KCNAB2: variants seen among roughly 807,000 people sequenced by gnomAD.
The protein encoded by KCNAB2 is voltage-gated potassium channel subunit beta-2.
KCNAB2 carries 29 observed loss-of-function variants against 63.6 expected under a neutral mutation model. The observed-to-expected ratio is 0.46, with a 90% confidence interval of 0.34 to 0.62. The LOEUF (loss-of-function observed/expected upper bound fraction) is 0.62, where lower values mean the gene tolerates loss of function less well. Ranked by LOEUF, KCNAB2 falls within the 20% of genes least tolerant of loss-of-function variation. The probability of loss-of-function intolerance (pLI) is 0.01; values close to 1 mark genes in which losing one functional copy is unlikely to be tolerated. For missense variants in KCNAB2, 359 were observed against 563.9 expected, an observed-to-expected ratio of 0.64 and a Z score of 3.68; for synonymous variants, 222 against 224.2, an observed-to-expected ratio of 0.99 and a Z score of 0.09.
chr1:6,095,677 G>T (rs986793884), intron 13 of KCNAB2, 53 bp downstream of exon 13: 1 of 1,549,924 alleles, frequency 6.5e-7, no homozygotes, highest in African/African-American at 1.4e-5. Context: ...CATTTTGGAC[G>T]GGTGGGACCT....
Position 6,024,576 on chromosome 1 carries a change from G to C in KCNAB2, c.-52-15941G>C, listed in dbSNP as rs946243795. On this transcript the variant is annotated intron_variant, in intron 1 of 16. Transcript: ENST00000341524. This position sits in a 1 kb window ranked among gnomAD's most constrained non-coding sequence, Gnocchi z 5.4. Reference sequence around the variant, plus strand: ...TGTGTCTGAAACTGCGAAGCAGCCAGTGAGGTTACTTTCGCATCCCCTAGC... The same window carrying C: ...TGTGTCTGAAACTGCGAAGCAGCCACTGAGGTTACTTTCGCATCCCCTAGC... Among the ~76,000 whole-genome samples, 3 of 152,250 alleles carry C rather than the reference G, an allele frequency of 2.0e-5. No homozygotes were observed. Among genetic ancestry groups the C allele is most frequent in the African/African-American group, 7.2e-5 (3 of 41,470 alleles).
chr1:6,000,208 T>C (rs778802202), intron 1 of KCNAB2, among the ~76,000 whole-genome samples: 27 of 152,096 alleles, frequency 1.8e-4, no homozygotes, highest in Non-Finnish European at 3.2e-4. Flanking sequence ...TGCCTTTCCA[T>C]GGAAATGAGT....
At chr1:6,012,095 AAGT>A (rs1319896241) in intron 1 of KCNAB2, among the ~76,000 whole-genome samples, 1 of 139,814 alleles carries the variant, frequency 7.2e-6, no homozygotes, top group East Asian at 2.2e-4. Flanking sequence ...GAGGTGATGA[AAGT>A]AGAGATGATG....
At chr1:6,041,900 C>T (rs201737897), upstream of KCNAB2, 5 of 1,611,050 alleles carry the variant, frequency 3.1e-6, no homozygotes, top group Admixed American at 1.7e-5. Context: ...TCCCTAAAAC[C>T]CAGCGAGCCG....
At chr1:6,098,426 C>G in intron 15 of KCNAB2, 59 bp from the exon 16 acceptor site, 1 of 1,603,592 alleles carries the variant, frequency 6.2e-7, no homozygotes, top group Admixed American at 1.7e-5. Context: ...CCCACCTCCT[C>G]CCCAGGCCAG....
chr1:6,006,672 TCCA>T (rs1657800976), intron 1 of KCNAB2, among the ~76,000 whole-genome samples: 2 of 5,566 alleles, frequency 3.6e-4, no homozygotes, highest in Non-Finnish European at 5.6e-4. Context: ...CACTTCACCC[TCCA>T]CCCCTCAGCT....
chr1:6,036,406 G>A (rs1355043500), intron 1 of KCNAB2, among the ~76,000 whole-genome samples: 1 of 152,118 alleles, frequency 6.6e-6, no homozygotes, highest in African/African-American at 2.4e-5. Context: ...GGGAGGCTGG[G>A]GCATGAGAAT....
intron 1 of KCNAB2, among the ~76,000 whole-genome samples, chr1:5,995,076 C>T (rs1285998468): frequency 6.6e-6 from 1 of 152,200 alleles, no homozygotes; most frequent in African/African-American, 2.4e-5. Context: ...GCTAAGTTCT[C>T]AGTGATATTC....
In KCNAB2 at chr1:6,073,719, G is replaced by C. The variant is rs771873554; in HGVS notation, c.263-14G>C. ...TGCCAGGTTCCTAACTTGAGCCCCT[G>C]TGTCTCCTTCCAGGAACATGGGTGA... On this transcript the variant is annotated splice_polypyrimidine_tract_variant and intron_variant, in intron 3 of 15. Coordinates refer to ENST00000378083, the MANE Select transcript of KCNAB2 (RefSeq NM_001199862.2). The surrounding 1 kb of genome is among the most constrained non-coding windows in gnomAD (Gnocchi z 5.7). The C allele has an allele frequency of 5.6e-6, 9 of 1,614,142 alleles. No homozygotes were observed. Among genetic ancestry groups the C allele is most frequent in the Non-Finnish European group, 6.8e-6 (8 of 1,179,980 alleles).
At chr1:6,001,219 C>T (rs941721369) in intron 1 of KCNAB2, among the ~76,000 whole-genome samples, 22 of 151,786 alleles carry the variant, frequency 1.4e-4, no homozygotes, top group African/African-American at 4.6e-4. Context: ...GGTCCCTCTG[C>T]GACCTGGAGG....
chr1:6,023,539 A>G (rs576029702), intron 1 of KCNAB2, among the ~76,000 whole-genome samples: 52 of 152,208 alleles, frequency 3.4e-4, no homozygotes, highest in African/African-American at 1.2e-3. Flanking sequence ...GCATTTCCCT[A>G]ATGGTTACTG....
chr1:5,997,969 C>T (rs955103574), intron 1 of KCNAB2, among the ~76,000 whole-genome samples: 10 of 152,250 alleles, frequency 6.6e-5, no homozygotes. Context: ...GAAAGGGATG[C>T]AGTGACCACA....
chr1:6,095,714 AG>A, intron 13 of KCNAB2, 90 bp downstream of exon 13: 1 of 1,264,392 alleles, frequency 7.9e-7, no homozygotes, highest in South Asian at 1.2e-5. Context: ...GGTGCTGGGC[AG>A]GGGTTCCGGG....
intron 5 of KCNAB2, among the ~76,000 whole-genome samples, chr1:6,082,922 G>A (rs1009248614): frequency 6.6e-6 from 1 of 152,190 alleles, no homozygotes. Context: ...CTGCAGGCCT[G>A]GGCTGCTGTG....
Position 6,073,971 on chromosome 1 carries a change from C to G in KCNAB2, c.300+201C>G. Reference sequence around the variant, plus strand: ...AGGTGGCCATGGCCAGAGGGGATGCCGAGTCTGGTGCCATCACCCAGCAGT... The same window carrying G: ...AGGTGGCCATGGCCAGAGGGGATGCGGAGTCTGGTGCCATCACCCAGCAGT... On this transcript the variant is annotated intron_variant, in intron 4 of 15. Coordinates refer to ENST00000378083, the MANE Select transcript of KCNAB2 (RefSeq NM_001199862.2). This position sits in a 1 kb window ranked among gnomAD's most constrained non-coding sequence, Gnocchi z 5.7. The G allele has an allele frequency of 1.7e-6, 1 of 598,410 alleles. No individual in the cohort carries two copies. The highest frequency in any genetic ancestry group is 2.8e-5 in the Admixed American group (1 of 35,354). 37.1% of individuals were successfully genotyped at this position (598,410 alleles called of 1,614,324 possible).
Position 6,098,566 on chromosome 1 carries a change from A to G in KCNAB2, c.1240A>G (p.Arg414Gly), listed in dbSNP as rs746927589. 1 of 1,613,954 alleles carries G rather than the reference A, an allele frequency of 6.2e-7. No individual in the cohort carries two copies. Among genetic ancestry groups the G allele is most frequent in the South Asian group, 1.1e-5 (1 of 91,064 alleles). Residue 414 changes from arginine (R) to glycine (G), a missense_variant, in exon 16 of 16, where the codon AGA (arginine) becomes GGA (glycine). By Grantham distance (125) the Arg-to-Gly change is moderately radical. This residue lies in a region of KCNAB2 where 271 missense variants were observed against 476.1 expected (regional missense o/e 0.57). Transcript: ENST00000378083. ...TAAACCCTACAGCAAAAAGGACTAC[A>G]GATCCTAAGCCGCCCCCGCCCGCCT... is the stretch of plus-strand genomic sequence containing the variant. ...GNKPYSKKDY[R>G]S
intron 10 of KCNAB2, among the ~76,000 whole-genome samples, chr1:6,094,001 C>T (rs1373595067): frequency 6.6e-6 from 1 of 152,172 alleles, no homozygotes; most frequent in Non-Finnish European, 1.5e-5. Flanking sequence ...CATGCATTCA[C>T]CTGGTCCTTC....
At chr1:6,033,157 C>T (rs759053404), upstream of KCNAB2, among the ~76,000 whole-genome samples, 6 of 152,162 alleles carry the variant, frequency 3.9e-5, no homozygotes, top group Admixed American at 6.5e-5. Context: ...GGGATTGCTA[C>T]GCACTTTCAA....
rs1245433848 is a variant in KCNAB2, at chr1:6,073,482, C to G, written c.263-251C>G. Among the ~76,000 whole-genome samples the G allele has an allele frequency of 6.6e-6, 1 of 152,196 alleles. No homozygotes were observed. The highest frequency in any genetic ancestry group is 2.4e-5 in the African/African-American group (1 of 41,452). ...AGCTCTGACCAGCATTTCAAAAGCC[C>G]CAGACCTCCTGGACCCATAGCCAGC... On this transcript the variant is annotated intron_variant, in intron 3 of 15. Coordinates refer to ENST00000378083, the MANE Select transcript of KCNAB2 (RefSeq NM_001199862.2). This position sits in a 1 kb window ranked among gnomAD's most constrained non-coding sequence, Gnocchi z 5.7.
Sources: allele counts gnomAD v4.1 joint callset (sites outside exome capture counted in the v4.1 genomes callset), GRCh38; gene constraint gnomAD v4.1.1; regional missense constraint gnomAD v4.1.1; non-coding constraint Gnocchi (gnomAD v3.1); transcripts MANE v1.5; gene names NCBI Gene and HGNC (gene_info 2026-07-23, HGNC 2026-07-21).